Variants in XYLT1 observed in about 807,000 individuals in gnomAD.
XYLT1 encodes beta-D-xylosyltransferase 1.
Under a neutral mutation model 91.3 loss-of-function variants are expected in XYLT1, and 36 were observed. The ratio of observed to expected loss-of-function variants is 0.39; its 90% CI spans 0.30 to 0.52. The LOEUF is 0.52. Among genes scored for constraint, XYLT1 ranks in the 20% least tolerant of loss-of-function variants. The probability of loss-of-function intolerance (pLI) is 0.68; values close to 1 mark genes in which losing one functional copy is unlikely to be tolerated. For synonymous variants in XYLT1, 588 were observed against 532.0 expected (o/e 1.11, Z -1.45); for missense variants, 1,242 against 1,284.5 (o/e 0.97, Z 0.51).
intron 2 of XYLT1, among the ~76,000 whole-genome samples, chr16:17,283,214 G>T (rs759703342): frequency 5.3e-5 from 8 of 152,196 alleles, no homozygotes; most frequent in Non-Finnish European, 1.2e-4. Flanking sequence ...GGGAGCAGAT[G>T]GAGCCCAGGC....
chr16:17,169,991 C>T (rs2031787325), intron 5 of XYLT1, among the ~76,000 whole-genome samples: 1 of 152,200 alleles, frequency 6.6e-6, no homozygotes, highest in Non-Finnish European at 1.5e-5. Context: ...AGTAGTTTCT[C>T]TCTGCTCCTT....
chr16:17,168,481 G>T (rs1446118165), intron 5 of XYLT1, among the ~76,000 whole-genome samples: 1 of 152,062 alleles, frequency 6.6e-6, no homozygotes, highest in Admixed American at 6.5e-5. Flanking sequence ...TAACCTAGTG[G>T]GTACAATGCT....
intron 11 of XYLT1, among the ~76,000 whole-genome samples, chr16:17,112,703 G>A (rs1245015171): frequency 6.6e-6 from 1 of 152,168 alleles, no homozygotes; most frequent in Non-Finnish European, 1.5e-5. Flanking sequence ...CTCTGGAGGG[G>A]CTGTCTTTTG....
intron 3 of XYLT1, among the ~76,000 whole-genome samples, chr16:17,241,430 G>A (rs1275909853): frequency 6.6e-6 from 1 of 152,274 alleles, no homozygotes; most frequent in Non-Finnish European, 1.5e-5. Flanking sequence ...AGAGACTACA[G>A]TTTCTTCATG....
chr16:17,162,968 G>C (rs564203695), intron 5 of XYLT1, among the ~76,000 whole-genome samples: 213 of 152,246 alleles, frequency 1.4e-3, no homozygotes, highest in African/African-American at 4.8e-3. Context: ...TAAAAACAAT[G>C]CACCTAATAT....
intron 2 of XYLT1, among the ~76,000 whole-genome samples, chr16:17,350,302 C>T (rs2035202711): frequency 6.6e-6 from 1 of 152,198 alleles, no homozygotes; most frequent in South Asian, 2.1e-4. Flanking sequence ...TGAAATGGTG[C>T]ATGTGGCTGC....
intron 2 of XYLT1, among the ~76,000 whole-genome samples, chr16:17,354,258 C>T (rs749854193): frequency 1.5e-4 from 23 of 152,162 alleles, no homozygotes; most frequent in Non-Finnish European, 3.2e-4. Context: ...AAACCTTCCT[C>T]GGCTTCCTCA....
At chr16:17,160,045 T>C (rs954049132) in intron 5 of XYLT1, among the ~76,000 whole-genome samples, 1 of 152,248 alleles carries the variant, frequency 6.6e-6, no homozygotes, top group Non-Finnish European at 1.5e-5. Context: ...GGGGTTATAA[T>C]AGAAGCTAGA....
At chr16:17,370,742 T>TGC (rs896991353) in intron 1 of XYLT1, among the ~76,000 whole-genome samples, 1 of 152,210 alleles carries the variant, frequency 6.6e-6, no homozygotes, top group African/African-American at 2.4e-5. Context: ...CTACATAGGA[T>TGC]GCCAATACTT....
At chr16:17,153,935 A>AAGT (rs2031344127) in intron 6 of XYLT1, among the ~76,000 whole-genome samples, 1 of 152,198 alleles carries the variant, frequency 6.6e-6, no homozygotes, top group South Asian at 2.1e-4. Flanking sequence ...TGGAGTAATA[A>AAGT]AAGAACACAG....
intron 1 of XYLT1, among the ~76,000 whole-genome samples, chr16:17,391,341 CT>C (rs2035816968): frequency 6.6e-6 from 1 of 152,210 alleles, no homozygotes; most frequent in Non-Finnish European, 1.5e-5. Context: ...CCACCCACCC[CT>C]GTGATTGCAT....
rs1421805075 is a variant in XYLT1, at chr16:17,102,699, T to C, written c.*5996A>G. Reference sequence around the variant, plus strand: ...CTCTTAAAATACTCCTTTAAATAAATAGCAAAATATCTACATATTTCAGCG... The same window carrying C: ...CTCTTAAAATACTCCTTTAAATAAACAGCAAAATATCTACATATTTCAGCG... On this transcript the variant is annotated 3_prime_UTR_variant, in exon 12 of 12. Coordinates refer to ENST00000261381, the MANE Select transcript of XYLT1 (RefSeq NM_022166.4). The C allele has an allele frequency of 6.6e-6, 1 of 152,440 alleles. No homozygotes were observed. Among genetic ancestry groups the C allele is most frequent in the Non-Finnish European group, 1.5e-5 (1 of 68,038 alleles). The allele number at this position is 152,440 out of a possible 1,614,324, so 9.4% of individuals were successfully genotyped here.
chr16:17,302,282 A>G (rs1284663041), intron 2 of XYLT1, among the ~76,000 whole-genome samples: 2 of 152,188 alleles, frequency 1.3e-5, no homozygotes, highest in African/African-American at 4.8e-5. Flanking sequence ...AGGCCCAGGT[A>G]CCAGGATGTG....
chr16:17,410,645 C>CTT lies in XYLT1; in HGVS notation c.364-52597_364-52596dup, dbSNP rs954524793. On this transcript the variant is annotated intron_variant, in intron 1 of 11. Transcript: ENST00000261381. ...AGCCAAACCATATCACCTGTCATTACTTTTTTTTTTTTTTTTTTTTGAGAT... is the reference window on the plus strand; with the variant it reads ...AGCCAAACCATATCACCTGTCATTACTTTTTTTTTTTTTTTTTTTTTTGAGAT... Among the ~76,000 whole-genome samples the CTT allele has an allele frequency of 8.6e-4, 80 of 93,000 alleles. 1 individual carries two copies. The South Asian group carries it at 0.016, about 18-fold the overall frequency. 61.0% of individuals were successfully genotyped at this position (93,000 alleles called of 152,430 possible). A position where few individuals can be genotyped will look rare whatever the true frequency, so the allele number is the denominator to read the frequency against.
At chr16:17,336,614 G>C (rs2034982889) in intron 2 of XYLT1, among the ~76,000 whole-genome samples, 1 of 152,236 alleles carries the variant, frequency 6.6e-6, no homozygotes, top group African/African-American at 2.4e-5. Context: ...CCTCCTCCTA[G>C]GCTCACCCCA....
At chr16:17,117,555 ATG>A (rs1966854938) in intron 11 of XYLT1, 89 bp downstream of exon 11, 2 of 1,372,432 alleles carry the variant, frequency 1.5e-6, no homozygotes, top group South Asian at 2.8e-5. Context: ...TGCTTACCCT[ATG>A]TCTGAGCAGT....
intron 1 of XYLT1, among the ~76,000 whole-genome samples, chr16:17,379,761 T>TTTCACACACA (rs1555501200): frequency 8.5e-6 from 1 of 117,680 alleles, no homozygotes; most frequent in African/African-American, 3.8e-5. Context: ...TCTCTCTCTC[T>TTTCACACACA]CTCACACACA....
chr16:17,239,593 GTCCATCCA>G (rs575639109), intron 3 of XYLT1, among the ~76,000 whole-genome samples: 3 of 141,774 alleles, frequency 2.1e-5, no homozygotes, highest in South Asian at 2.2e-4. Context: ...CACCTAGTCC[GTCCATCCA>G]TCCATCCATC....
chr16:17,406,468 C>A (rs924722917), intron 1 of XYLT1, among the ~76,000 whole-genome samples: 1 of 152,192 alleles, frequency 6.6e-6, no homozygotes, highest in Non-Finnish European at 1.5e-5. Flanking sequence ...CCAGTAAGCT[C>A]CCCCATGGGG....
Sources: gnomAD v4.1 joint callset for allele counts (sites outside exome capture counted in the v4.1 genomes callset) on GRCh38, gnomAD v4.1.1 for gene constraint, MANE v1.5 for transcripts, NCBI Gene and HGNC (gene_info 2026-07-23, HGNC 2026-07-21) for gene names.